Variants in GALNT13 observed in about 807,000 individuals in gnomAD.
The protein encoded by GALNT13 is polypeptide N-acetylgalactosaminyltransferase 13.
A neutral mutation model predicts 64.2 loss-of-function variants in GALNT13; 28 were observed. The ratio of observed to expected loss-of-function variants is 0.44; its 90% CI spans 0.32 to 0.60. The LOEUF (loss-of-function observed/expected upper bound fraction) is 0.60. Ranked by LOEUF, GALNT13 falls within the 20% of genes least tolerant of loss-of-function variation. The pLI is 0.05. For missense variants in GALNT13, 577 were observed against 669.8 expected (o/e 0.86, Z 1.53); for synonymous variants, 214 against 224.6 (o/e 0.95, Z 0.42).
chr2:153,914,877 G>T (rs1056682686), intron 2 of GALNT13, among the ~76,000 whole-genome samples: 5 of 152,050 alleles, frequency 3.3e-5, no homozygotes, highest in African/African-American at 1.2e-4. Flanking sequence ...GTGGTAAATT[G>T]CTGTTGCATA....
chr2:154,175,549 G>T (rs1428893753), intron 4 of GALNT13, among the ~76,000 whole-genome samples: 1 of 152,078 alleles, frequency 6.6e-6, no homozygotes, highest in Non-Finnish European at 1.5e-5. Flanking sequence ...GAACAAGCAG[G>T]ATATTTTACC....
the GALNT13 span, among the ~76,000 whole-genome samples, chr2:153,740,187 C>G: frequency 6.6e-6 from 1 of 151,820 alleles, no homozygotes; most frequent in Non-Finnish European, 1.5e-5. Context: ...TATTTTCAAC[C>G]TGGTTACTTC....
the GALNT13 span, among the ~76,000 whole-genome samples, chr2:153,648,287 G>T: frequency 6.6e-6 from 1 of 152,172 alleles, no homozygotes; most frequent in Non-Finnish European, 1.5e-5. Context: ...TGGTGTATAA[G>T]AATGCTTGTG....
chr2:154,299,685 G>C (rs1413676596), intron 8 of GALNT13, among the ~76,000 whole-genome samples: 1 of 150,590 alleles, frequency 6.6e-6, no homozygotes, highest in East Asian at 2.0e-4. Flanking sequence ...GGATGGTCTC[G>C]ATCTCTTGAC....
At chr2:153,351,808 G>A in the GALNT13 span, among the ~76,000 whole-genome samples, 1 of 152,086 alleles carries the variant, frequency 6.6e-6, no homozygotes, top group Non-Finnish European at 1.5e-5. Context: ...CCTTTTTAGT[G>A]CTGAATAATA....
At chr2:153,205,144 T>A in the GALNT13 span, among the ~76,000 whole-genome samples, 1 of 151,928 alleles carries the variant, frequency 6.6e-6, no homozygotes, top group Admixed American at 6.6e-5. Context: ...TTACTGCAAG[T>A]CTACCTCACT....
intron 3 of GALNT13, among the ~76,000 whole-genome samples, chr2:154,106,252 A>C (rs546854308): frequency 6.7e-4 from 102 of 152,318 alleles, no homozygotes; most frequent in Non-Finnish European, 1.3e-3. Flanking sequence ...ACAAACTCAT[A>C]ATCAAACCAA....
chr2:154,289,755 A>G (rs1341717033), intron 8 of GALNT13, among the ~76,000 whole-genome samples: 1 of 152,226 alleles, frequency 6.6e-6, no homozygotes, highest in African/African-American at 2.4e-5. Context: ...AATAGCACCC[A>G]GTCTCTTGGG....
At chr2:153,343,609 G>A in the GALNT13 span, among the ~76,000 whole-genome samples, 2 of 152,058 alleles carry the variant, frequency 1.3e-5, no homozygotes, top group African/African-American at 4.8e-5. Flanking sequence ...CTAACAGATT[G>A]GATATTTAGC....
chr2:153,374,842 T>C, the GALNT13 span, among the ~76,000 whole-genome samples: 1 of 152,170 alleles, frequency 6.6e-6, no homozygotes. Flanking sequence ...TGTCCAGTAA[T>C]TGCTTTTTCC....
chr2:153,087,943 A>G, the GALNT13 span, among the ~76,000 whole-genome samples: 1 of 151,112 alleles, frequency 6.6e-6, no homozygotes, highest in African/African-American at 2.4e-5. Context: ...TATGTTTTGT[A>G]TTTTTTTGTA....
chr2:153,665,753 G>C, the GALNT13 span, among the ~76,000 whole-genome samples: 3 of 152,074 alleles, frequency 2.0e-5, no homozygotes, highest in Non-Finnish European at 4.4e-5. Flanking sequence ...AGACAGGCAT[G>C]GAGTGGCCTA....
At chr2:153,780,936 G>A in the GALNT13 span, among the ~76,000 whole-genome samples, 10 of 152,096 alleles carry the variant, frequency 6.6e-5, no homozygotes, top group African/African-American at 2.4e-4. Flanking sequence ...TAAACATGAG[G>A]TTACAATGCC....
chr2:153,903,452 A>G (rs947773633), intron 2 of GALNT13, among the ~76,000 whole-genome samples: 3 of 152,046 alleles, frequency 2.0e-5, no homozygotes, highest in African/African-American at 7.2e-5. Flanking sequence ...TCAACCTAAT[A>G]TACTGGAGAA....
At chr2:153,788,531 C>T in the GALNT13 span, among the ~76,000 whole-genome samples, 11 of 152,134 alleles carry the variant, frequency 7.2e-5, no homozygotes, top group Admixed American at 4.6e-4. Context: ...TACTATAAAG[C>T]AACCACACAA....
At chr2:154,117,775 T>C (rs1305037674) in intron 3 of GALNT13, among the ~76,000 whole-genome samples, 1 of 152,174 alleles carries the variant, frequency 6.6e-6, no homozygotes, top group African/African-American at 2.4e-5. Context: ...CTGGGATCAA[T>C]GGCAAGCCAC....
chr2:154,336,666 A>C (rs185471836), intron 9 of GALNT13, among the ~76,000 whole-genome samples: 1 of 152,240 alleles, frequency 6.6e-6, no homozygotes, highest in Admixed American at 6.5e-5. Flanking sequence ...TTATAAAATT[A>C]GTTTCACAAA....
intron 3 of GALNT13, among the ~76,000 whole-genome samples, chr2:154,073,319 T>C (rs1170691701): frequency 6.6e-6 from 1 of 151,958 alleles, no homozygotes; most frequent in Admixed American, 6.6e-5. Flanking sequence ...TGAAAGAGAA[T>C]CTATGGATGT....
the GALNT13 span, among the ~76,000 whole-genome samples, chr2:153,401,244 G>A: frequency 6.6e-6 from 1 of 152,044 alleles, no homozygotes; most frequent in Non-Finnish European, 1.5e-5. Flanking sequence ...TTTTGAATGA[G>A]ATTCTTAATC....
Sources: allele counts gnomAD v4.1 joint callset (sites outside exome capture counted in the v4.1 genomes callset), GRCh38; gene constraint gnomAD v4.1.1; transcripts MANE v1.5; gene names NCBI Gene and HGNC (gene_info 2026-07-23, HGNC 2026-07-21).